Variants in GNAQ observed in about 807,000 individuals in gnomAD.
GNAQ encodes the protein guanine nucleotide-binding protein G(q) subunit alpha.
A neutral mutation model predicts 43.9 loss-of-function variants in GNAQ; 8 were observed. That is an observed-to-expected ratio of 0.18 (90% CI 0.11 to 0.33). GNAQ has a LOEUF of 0.33. GNAQ is among the 10% of genes least tolerant of loss of function. The pLI is 1.00. For missense variants in GNAQ, 158 were observed against 450.8 expected (o/e 0.35, Z 5.88); for synonymous variants, 155 against 170.7 (o/e 0.91, Z 0.71).
chr9:77,907,259 T>A (rs1828724415), intron 2 of GNAQ, among the ~76,000 whole-genome samples: 1 of 152,134 alleles, frequency 6.6e-6, no homozygotes. Context: ...GTAATTAAGA[T>A]GCCTTCCCTG....
chr9:77,887,231 T>A (rs974832967), intron 2 of GNAQ, among the ~76,000 whole-genome samples: 1 of 152,238 alleles, frequency 6.6e-6, no homozygotes, highest in Non-Finnish European at 1.5e-5. Flanking sequence ...TGAGCTTGCT[T>A]TGACTGATGA....
At chr9:77,919,914 G>A (rs1828971173) in intron 2 of GNAQ, among the ~76,000 whole-genome samples, 1 of 152,128 alleles carries the variant, frequency 6.6e-6, no homozygotes, top group Non-Finnish European at 1.5e-5. Context: ...GGCCGAAGCA[G>A]GCGGATCATG....
rs902910433 is a variant in GNAQ at position 77,729,513 on chromosome 9, AC to A, written c.736-847del. ...TTAAATCATTCCTCTGAAAAAAAAA[AC>A]ATATCAGCCAAAAACTAGAGGGCCT... On this transcript the variant is annotated intron_variant, in intron 5 of 6. Coordinates refer to ENST00000286548, the MANE Select transcript of GNAQ (RefSeq NM_002072.5). 3.9e-5 allele frequency among the ~76,000 whole-genome samples: 6 copies of A among 152,022 alleles called. No individual in the cohort carries two copies. In the South Asian group the frequency reaches 6.2e-4, roughly 16 times the overall value.
At chr9:77,938,394 T>C (rs1829264077) in intron 1 of GNAQ, among the ~76,000 whole-genome samples, 1 of 152,172 alleles carries the variant, frequency 6.6e-6, no homozygotes, top group African/African-American at 2.4e-5. Context: ...ATTGAAAAGT[T>C]CTGAGCAGGT....
chr9:78,001,342 A>G (rs1823641518), intron 1 of GNAQ, among the ~76,000 whole-genome samples: 1 of 152,116 alleles, frequency 6.6e-6, no homozygotes, highest in Non-Finnish European at 1.5e-5. Context: ...CAGAGGCTGC[A>G]GTAAGCTGAG....
chr9:77,766,642 G>T (rs1370830410), intron 5 of GNAQ, among the ~76,000 whole-genome samples: 3 of 152,068 alleles, frequency 2.0e-5, no homozygotes, highest in Non-Finnish European at 2.9e-5. Context: ...TGTGGTGGGG[G>T]TGTAGGGTGG....
In GNAQ at chr9:77,945,555, C is replaced by T. The variant is rs1822879889; in HGVS notation, c.137-23210G>A. On this transcript the variant is annotated intron_variant, in intron 1 of 6. Coordinates refer to ENST00000286548, the MANE Select transcript of GNAQ (RefSeq NM_002072.5). ...TTATTTTGGAAAATGCCTTAAAATG[C>T]TTAATTACCTAGGTTAGAGGTAAGC... 2.6e-5 allele frequency among the ~76,000 whole-genome samples: 4 copies of T among 152,154 alleles called. No homozygotes were observed. In the South Asian group the frequency reaches 6.2e-4, roughly 24 times the overall value.
At chr9:78,013,246 T>C (rs1285949710) in intron 1 of GNAQ, among the ~76,000 whole-genome samples, 1 of 152,062 alleles carries the variant, frequency 6.6e-6, no homozygotes, top group Non-Finnish European at 1.5e-5. Context: ...TTAATAACCA[T>C]CAATAAATCC....
chr9:77,951,217 C>A (rs939581734), intron 1 of GNAQ, among the ~76,000 whole-genome samples: 1 of 150,880 alleles, frequency 6.6e-6, no homozygotes, highest in Non-Finnish European at 1.5e-5. Context: ...CCTGCCTCAG[C>A]CTCCCTAGTA....
At chr9:77,804,380 A>G (rs1393874168) in intron 3 of GNAQ, among the ~76,000 whole-genome samples, 1 of 152,222 alleles carries the variant, frequency 6.6e-6, no homozygotes, top group Non-Finnish European at 1.5e-5. Flanking sequence ...AATAAATTTT[A>G]TAAGCCAGGT....
intron 2 of GNAQ, among the ~76,000 whole-genome samples, chr9:77,873,692 C>T (rs1564137179): frequency 6.6e-6 from 1 of 152,124 alleles, no homozygotes; most frequent in South Asian, 2.1e-4. Flanking sequence ...GGCCAGGCAA[C>T]GAGGGGAAGC....
chr9:77,852,006 T>C (rs539293571), intron 2 of GNAQ, among the ~76,000 whole-genome samples: 28 of 152,190 alleles, frequency 1.8e-4, no homozygotes, highest in African/African-American at 5.8e-4. Flanking sequence ...CCAAAGTCAA[T>C]AGGATATGGA....
intron 4 of GNAQ, among the ~76,000 whole-genome samples, chr9:77,797,133 A>C (rs1186083738): frequency 2.0e-5 from 3 of 152,076 alleles, no homozygotes; most frequent in Non-Finnish European, 4.4e-5. Context: ...CCTGGGTTCA[A>C]GTGATTCTCT....
At chr9:77,812,504 A>C (rs1485608950) in intron 3 of GNAQ, among the ~76,000 whole-genome samples, 2 of 152,212 alleles carry the variant, frequency 1.3e-5, no homozygotes, top group African/African-American at 2.4e-5. Context: ...TATGAGAAGC[A>C]ATCAGGCAAA....
At chr9:77,914,848 A>AT (rs71360669) in intron 2 of GNAQ, among the ~76,000 whole-genome samples, 4 of 149,700 alleles carry the variant, frequency 2.7e-5, no homozygotes, top group African/African-American at 9.9e-5. Context: ...AAAAAAAAAA[A>AT]TCAACATAGA....
At chr9:77,922,432 A>C (rs1829012830) in intron 1 of GNAQ, 87 bp from the exon 2 acceptor site, 1 of 932,552 alleles carries the variant, frequency 1.1e-6, no homozygotes, top group Non-Finnish European at 1.7e-6. Flanking sequence ...CCTTGGATTT[A>C]ACATCCCCAG....
At chr9:78,018,536 C>T (rs976141790) in intron 1 of GNAQ, among the ~76,000 whole-genome samples, 3 of 152,128 alleles carry the variant, frequency 2.0e-5, no homozygotes, top group African/African-American at 7.2e-5. Flanking sequence ...TGTGGGTTGT[C>T]ATTCTTTCAA....
Position 77,720,667 on chromosome 9 carries a change from T to A in GNAQ, c.*656A>T, listed in dbSNP as rs572170496. 4.3e-6 allele frequency: 1 copy of A among 233,274 alleles called. No individual in the cohort carries two copies. Among genetic ancestry groups the A allele is most frequent in the East Asian group, 6.0e-5 (1 of 16,554 alleles). The allele number at this position is 233,274 out of a possible 1,614,324, so 14.5% of individuals were successfully genotyped here. A position where few individuals can be genotyped will look rare whatever the true frequency, so the allele number is the denominator to read the frequency against. On this transcript the variant is annotated 3_prime_UTR_variant, in exon 7 of 7. Transcript: ENST00000286548. ...ACATCTAAAAGAAATGACACTTAAC[T>A]TTTAGATGGGCATCCACTGTCCCAG...
At chr9:77,961,686 A>G (rs1160618728) in intron 1 of GNAQ, among the ~76,000 whole-genome samples, 1 of 152,244 alleles carries the variant, frequency 6.6e-6, no homozygotes, top group Non-Finnish European at 1.5e-5. Context: ...AAGCAAGACT[A>G]CAAATTACTG....
Sources: allele counts gnomAD v4.1 joint callset (sites outside exome capture counted in the v4.1 genomes callset), GRCh38; gene constraint gnomAD v4.1.1; transcripts MANE v1.5; gene names NCBI Gene and HGNC (gene_info 2026-07-23, HGNC 2026-07-21).